The following CSMD2 variants were observed in gnomAD, a reference collection of about 807,000 sequenced individuals.
The protein encoded by CSMD2 is CUB and Sushi multiple domains 2.
CSMD2 carries 130 observed loss-of-function variants against 398.5 expected under a neutral mutation model. That is an observed-to-expected ratio of 0.33 (90% CI 0.28 to 0.38). The LOEUF is 0.38. CSMD2 is among the 10% of genes least tolerant of loss of function. The pLI is 1.00. For missense variants in CSMD2, 3,829 were observed against 4,764.9 expected (o/e 0.80, Z 5.78); for synonymous variants, 1,828 against 1,908.5 (o/e 0.96, Z 1.10).
intron 1 of CSMD2, among the ~76,000 whole-genome samples, chr1:34,130,389 CAA>C (rs60733725): frequency 2.6e-4 from 15 of 58,480 alleles, no homozygotes; most frequent in Admixed American, 6.0e-4. Context: ...TGTCTGGAGG[CAA>C]AAAAAAAAAA....
chr1:33,674,715 A>T (rs1344201605), intron 25 of CSMD2, among the ~76,000 whole-genome samples: 4 of 152,106 alleles, frequency 2.6e-5, no homozygotes, highest in Non-Finnish European at 4.4e-5. Flanking sequence ...GAAGTAAAGA[A>T]CTCCTCAGCA....
Position 33,743,260 on chromosome 1 carries a change from G to A in CSMD2, c.2173+20C>T. On this transcript the variant is annotated intron_variant, in intron 14 of 70. Transcript: ENST00000373381. ...AGACACTCAGATGGAGGGCCAGCTGGTGACAGAGGGAGGACTCACTGGTAA... is the reference window on the plus strand; with the variant it reads ...AGACACTCAGATGGAGGGCCAGCTGATGACAGAGGGAGGACTCACTGGTAA... 6.4e-7 allele frequency: 1 copy of A among 1,569,346 alleles called. No individual in the cohort carries two copies. The highest frequency in any genetic ancestry group is 2.3e-5 in the East Asian group (1 of 44,344).
intron 6 of CSMD2, among the ~76,000 whole-genome samples, chr1:33,829,780 G>A (rs1203445519): frequency 6.6e-6 from 1 of 152,194 alleles, no homozygotes; most frequent in African/African-American, 2.4e-5. Flanking sequence ...CAGACGGCAC[G>A]TGGAAAATCG....
Position 33,541,205 on chromosome 1 carries a change from T to A in CSMD2, c.9382A>T (p.Met3128Leu). 6.2e-7 allele frequency: 1 copy of A among 1,614,112 alleles called. No individual in the cohort carries two copies. The highest frequency in any genetic ancestry group is 8.5e-7 in the Non-Finnish European group (1 of 1,180,016). ...AGCACAGATACTCTATGTGACTCCA[T>A]CATATAGCCAGGGACACACTGATAT... The part of the protein sequence containing the change: ...VTYQCVPGYM[M>L]ESHRVSVLSC... Residue 3128 changes from methionine (M) to leucine (L), a missense_variant, in exon 59 of 71, where the codon ATG becomes TTG. Met to Leu is a conservative substitution (Grantham distance 15). Around this residue, in one of 5 missense-constraint regions of CSMD2, gnomAD observed 917 missense variants for 1,199.5 expected, o/e 0.76. Coordinates refer to ENST00000373381, the MANE Select transcript of CSMD2 (RefSeq NM_001281956.2).
chr1:33,678,135 G>A (rs116275058), intron 25 of CSMD2, among the ~76,000 whole-genome samples: 135 of 150,956 alleles, frequency 8.9e-4, no homozygotes, highest in African/African-American at 2.9e-3. Context: ...AAAAAAGAGC[G>A]TGGCTCCTCC....
intron 19 of CSMD2, 100 bp from the exon 20 acceptor site, chr1:33,716,601 C>T: frequency 1.2e-6 from 1 of 826,134 alleles, no homozygotes; most frequent in East Asian, 2.6e-5. Flanking sequence ...TTGCAAATGT[C>T]TATCTGTGTG....
At chr1:33,517,853 G>C (rs1390243845) in intron 70 of CSMD2, among the ~76,000 whole-genome samples, 2 of 152,214 alleles carry the variant, frequency 1.3e-5, no homozygotes, top group African/African-American at 2.4e-5. Flanking sequence ...AGCACGTCAG[G>C]GGCTGGGCAG....
chr1:33,804,417 A>T (rs1655978968), intron 10 of CSMD2, among the ~76,000 whole-genome samples: 1 of 152,184 alleles, frequency 6.6e-6, no homozygotes, highest in Admixed American at 6.5e-5. Context: ...ACTGATTTCC[A>T]AGCCTACTCA....
intron 27 of CSMD2, among the ~76,000 whole-genome samples, chr1:33,656,779 T>A (rs1571113198): frequency 6.6e-6 from 1 of 152,230 alleles, no homozygotes. Context: ...TGTCTAAGTT[T>A]CAGTTTCAAG....
chr1:33,885,317 T>G (rs16836066), intron 5 of CSMD2: 1 of 152,056 alleles, frequency 6.6e-6, no homozygotes, highest in East Asian at 1.9e-4. Flanking sequence ...TACACTATTC[T>G]CAAAAACCTA....
chr1:33,783,431 T>TATTCTCTCTCTCTCTCTC (rs1653056945), intron 12 of CSMD2, among the ~76,000 whole-genome samples: 1 of 135,150 alleles, frequency 7.4e-6, no homozygotes, highest in African/African-American at 2.9e-5. Flanking sequence ...CATTCTCTCA[T>TATTCTCTCTCTCTCTCTC]TCTCTCTCTC....
At chr1:34,132,896 C>T (rs1461550169) in intron 1 of CSMD2, among the ~76,000 whole-genome samples, 5 of 151,924 alleles carry the variant, frequency 3.3e-5, no homozygotes, top group Admixed American at 1.3e-4. Flanking sequence ...TGGGGCTTTT[C>T]AGCCTTCATA....
At chr1:33,830,016 T>A (rs2125030157) in intron 6 of CSMD2, among the ~76,000 whole-genome samples, 1 of 152,326 alleles carries the variant, frequency 6.6e-6, no homozygotes, top group South Asian at 2.1e-4. Flanking sequence ...AAGCTCGAAC[T>A]GGGTGGAGTG....
intron 27 of CSMD2, among the ~76,000 whole-genome samples, chr1:33,652,816 G>A (rs943983285): frequency 3.3e-5 from 5 of 152,184 alleles, no homozygotes; most frequent in Non-Finnish European, 7.4e-5. Flanking sequence ...TTGCAGTAGC[G>A]CGATCTCGGC....
intron 24 of CSMD2, among the ~76,000 whole-genome samples, chr1:33,696,788 A>G (rs1008841052): frequency 5.9e-5 from 9 of 151,930 alleles, no homozygotes; most frequent in African/African-American, 2.2e-4. Flanking sequence ...ATTCAACAAC[A>G]TTGAGAACAT....
chr1:33,719,973 C>T (rs1343808911), intron 19 of CSMD2, among the ~76,000 whole-genome samples: 1 of 152,152 alleles, frequency 6.6e-6, no homozygotes, highest in African/African-American at 2.4e-5. Context: ...TCTCAGGACT[C>T]CTGAATTGGC....
At chr1:33,860,735 G>T (rs376553647) in intron 5 of CSMD2, 1 of 152,300 alleles carries the variant, frequency 6.6e-6, no homozygotes, top group East Asian at 1.9e-4. Flanking sequence ...GAACTTATAT[G>T]TGTCTGGCTT....
At chr1:33,716,860 C>G (rs1205897375) in intron 19 of CSMD2, among the ~76,000 whole-genome samples, 1 of 152,140 alleles carries the variant, frequency 6.6e-6, no homozygotes, top group African/African-American at 2.4e-5. Context: ...TGAGTCTTTA[C>G]TATGGGCTAG....
chr1:33,775,271 T>TC (rs1651822445), intron 12 of CSMD2, among the ~76,000 whole-genome samples: 2 of 152,224 alleles, frequency 1.3e-5, no homozygotes, highest in African/African-American at 4.8e-5. Flanking sequence ...ATCACTCACC[T>TC]CACTGGTCTT....
Sources: allele counts gnomAD v4.1 joint callset (sites outside exome capture counted in the v4.1 genomes callset), GRCh38; gene constraint gnomAD v4.1.1; regional missense constraint gnomAD v4.1.1; transcripts MANE v1.5; gene names NCBI Gene and HGNC (gene_info 2026-07-23, HGNC 2026-07-21).